The following DAB1 variants were observed in gnomAD, a reference collection of about 807,000 sequenced individuals.
The protein encoded by DAB1 is disabled homolog 1.
In DAB1, 15 loss-of-function variants were observed where a neutral mutation model predicts 64.6. The ratio of observed to expected loss-of-function variants is 0.23; its 90% CI spans 0.16 to 0.36. The LOEUF (loss-of-function observed/expected upper bound fraction) is 0.36, where lower values mean the gene tolerates loss of function less well. DAB1 is among the 10% of genes least tolerant of loss of function. DAB1 has a pLI of 1.00. For missense variants in DAB1, 596 were observed against 706.7 expected, an observed-to-expected ratio of 0.84 and a Z score of 1.78; for synonymous variants, 235 against 251.9, an observed-to-expected ratio of 0.93 and a Z score of 0.64.
At chr1:57,384,929 T>A (rs1431859058) in intron 1 of DAB1, among the ~76,000 whole-genome samples, 1 of 152,196 alleles carries the variant, frequency 6.6e-6, no homozygotes, top group East Asian at 1.9e-4. Context: ...TAAAAATATG[T>A]CAGATCAGTA....
chr1:58,545,297 A>G (rs1259979009), intron 1 of DAB1, among the ~76,000 whole-genome samples: 1 of 152,232 alleles, frequency 6.6e-6, no homozygotes, highest in Non-Finnish European at 1.5e-5. Context: ...AATCCTATTG[A>G]CACAGAAGGT....
chr1:58,380,559 T>C (rs1308089753), intron 3 of DAB1, among the ~76,000 whole-genome samples: 3 of 152,214 alleles, frequency 2.0e-5, no homozygotes, highest in African/African-American at 7.2e-5. Context: ...TTTGCATCTC[T>C]TTGATGTAGT....
At chr1:58,384,124 C>T (rs1249751454) in intron 3 of DAB1, among the ~76,000 whole-genome samples, 1 of 151,378 alleles carries the variant, frequency 6.6e-6, no homozygotes, top group East Asian at 1.9e-4. Context: ...TTTGATTTGC[C>T]TTTCTCTAAT....
chr1:57,712,066 A>AT (rs2101746592), intron 6 of DAB1, among the ~76,000 whole-genome samples: 1 of 152,260 alleles, frequency 6.6e-6, no homozygotes, highest in African/African-American at 2.4e-5. Context: ...CTGCAGATAA[A>AT]TTTTTTACGA....
intron 4 of DAB1, among the ~76,000 whole-genome samples, chr1:57,107,405 A>G (rs1232496446): frequency 1.3e-5 from 2 of 151,464 alleles, no homozygotes; most frequent in Non-Finnish European, 1.5e-5. Flanking sequence ...AAATCAACCC[A>G]TCAAGCATCT....
At chr1:58,359,316 G>A (rs11207206) in intron 3 of DAB1, among the ~76,000 whole-genome samples, 9,231 of 152,232 alleles carry the variant, frequency 0.061, 451 homozygotes, top group East Asian at 0.18. Context: ...ATCAATGAAA[G>A]AGCCAGGACA....
chr1:57,800,371 C>T (rs1442052697), intron 6 of DAB1, among the ~76,000 whole-genome samples: 1 of 152,152 alleles, frequency 6.6e-6, no homozygotes, highest in Non-Finnish European at 1.5e-5. Context: ...AGTCTAGGTG[C>T]CTGGGACCAG....
chr1:57,384,212 G>C (rs1376233762), intron 1 of DAB1, among the ~76,000 whole-genome samples: 1 of 152,166 alleles, frequency 6.6e-6, no homozygotes, highest in Non-Finnish European at 1.5e-5. Context: ...ACATCTGTTA[G>C]GATGGCTGCT....
chr1:58,053,444 CTT>C (rs971711968), intron 5 of DAB1, among the ~76,000 whole-genome samples: 3 of 152,090 alleles, frequency 2.0e-5, no homozygotes, highest in African/African-American at 7.2e-5. Flanking sequence ...GTGCCAGCCT[CTT>C]TTTCAACAAC....
intron 1 of DAB1, among the ~76,000 whole-genome samples, chr1:57,419,770 G>A (rs1283470783): frequency 6.6e-6 from 1 of 152,196 alleles, no homozygotes; most frequent in Non-Finnish European, 1.5e-5. Flanking sequence ...AAACTATAAA[G>A]CACAGAGAAG....
rs554070451 is a variant in DAB1, at chr1:58,476,343, CTG to C, written n.257+29715_257+29716del. 1.3e-4 allele frequency among the ~76,000 whole-genome samples: 20 copies of C among 152,310 alleles called. No homozygotes were observed. In the East Asian group the frequency reaches 3.7e-3, roughly 28 times the overall value. On this transcript the variant is annotated intron_variant and non_coding_transcript_variant, in intron 3 of 20. Coordinates refer to the DAB1 transcript ENST00000485760. ...CCTAAGACCTGGAAACAGAGCTGCA[CTG>C]TGACTTATGCCCCATGCTCTGCAGT...
chr1:57,447,349 A>G (rs1686179175), intron 7 of DAB1, among the ~76,000 whole-genome samples: 2 of 152,164 alleles, frequency 1.3e-5, no homozygotes, highest in African/African-American at 4.8e-5. Context: ...CCTTTCCAGT[A>G]ACTCTGATCA....
intron 2 of DAB1, among the ~76,000 whole-genome samples, chr1:57,151,963 GC>G (rs2100847405): frequency 6.6e-6 from 1 of 151,922 alleles, no homozygotes; most frequent in Non-Finnish European, 1.5e-5. Flanking sequence ...ACAGGTGCCC[GC>G]CACCATGCCC....
intron 5 of DAB1, chr1:58,056,500 G>C: frequency 8.3e-7 from 1 of 1,199,930 alleles, no homozygotes; most frequent in Non-Finnish European, 1.2e-6. Flanking sequence ...ACGGACCAGA[G>C]AGAGCTCATG....
chr1:57,345,767 C>T (rs1317566554), intron 1 of DAB1, among the ~76,000 whole-genome samples: 1 of 152,172 alleles, frequency 6.6e-6, no homozygotes, highest in Non-Finnish European at 1.5e-5. Flanking sequence ...TGATGGTTAT[C>T]CTGTTTCACG....
upstream of DAB1, among the ~76,000 whole-genome samples, chr1:57,424,730 A>C (rs1398820146): frequency 6.6e-6 from 1 of 152,210 alleles, no homozygotes; most frequent in Admixed American, 6.5e-5. Context: ...CCGCCAGTGC[A>C]GGTTCGGCGG....
chr1:57,764,098 G>A (rs1266014582), intron 6 of DAB1, among the ~76,000 whole-genome samples: 1 of 152,074 alleles, frequency 6.6e-6, no homozygotes, highest in African/African-American at 2.4e-5. Flanking sequence ...CCTTGACCAA[G>A]GGCACAAAGC....
chr1:58,261,707 T>A (rs1276978722), intron 4 of DAB1, among the ~76,000 whole-genome samples: 1 of 151,204 alleles, frequency 6.6e-6, no homozygotes, highest in African/African-American at 2.5e-5. Context: ...GATCAATTTG[T>A]TTTTTTGTTT....
chr1:57,022,848 C>T (rs1189424441), intron 11 of DAB1, among the ~76,000 whole-genome samples: 2 of 152,274 alleles, frequency 1.3e-5, no homozygotes, highest in Non-Finnish European at 2.9e-5. Context: ...AGTACAGTGG[C>T]CTGGCCACAT....
Sources: gnomAD v4.1 joint callset for allele counts (sites outside exome capture counted in the v4.1 genomes callset) on GRCh38, gnomAD v4.1.1 for gene constraint, MANE v1.5 for transcripts, NCBI Gene and HGNC (gene_info 2026-07-23, HGNC 2026-07-21) for gene names.